Variants in POP4 observed in about 807,000 individuals in gnomAD.
The protein encoded by POP4 is POP4 ribonuclease P/MRP subunit, also known as ribonuclease P protein subunit p29.
POP4 carries 31 observed loss-of-function variants against 29.9 expected under a neutral mutation model. The observed-to-expected ratio is 1.04, with a 90% CI of 0.78 to 1.40. The LOEUF is 1.40. Ranked by LOEUF, POP4 falls within the 40% of genes most tolerant of loss-of-function variation. The pLI, the probability that POP4 is intolerant of heterozygous loss-of-function variation, is 0.00. For missense variants in POP4, 286 were observed against 282.7 expected (o/e 1.01, Z -0.08); for synonymous variants, 110 against 108.2 (o/e 1.02, Z -0.10).
chr19:29,612,330 T>TG, intron 5 of POP4, 152 bp downstream of exon 5: 1 of 759,822 alleles, frequency 1.3e-6, no homozygotes, highest in East Asian at 2.7e-5. Context: ...ACGCTAAGGG[T>TG]GGGAGATGCT....
At chr19:29,612,258 C>A in intron 5 of POP4, 80 bp downstream of exon 5, 1 of 1,292,904 alleles carries the variant, frequency 7.7e-7, no homozygotes, top group Non-Finnish European at 1.1e-6. Flanking sequence ...GGCGTGTGTT[C>A]TGTTGGACAC....
At position 29,615,243 on chromosome 19, in the gene POP4, G is replaced by A. The variant is rs1159048130; in HGVS notation, c.527-1G>A. The A allele has an allele frequency of 6.6e-6, 7 of 1,059,940 alleles. No homozygotes were observed. The highest frequency in any genetic ancestry group is 3.3e-5 in the East Asian group (1 of 30,372). The allele number at this position is 1,059,940 out of a possible 1,614,324, so 65.7% of individuals were successfully genotyped here. A position where few individuals can be genotyped will look rare whatever the true frequency, so the allele number is the denominator to read the frequency against. ...CCTGCCTTTTTTTTTTTTTTTTTCAGTTATCCCCAAGCTAAACTGCGTGTT... is the reference window on the plus strand; with the variant it reads ...CCTGCCTTTTTTTTTTTTTTTTTCAATTATCCCCAAGCTAAACTGCGTGTT... On this transcript the variant is annotated splice_acceptor_variant, in intron 6 of 6. Transcript: ENST00000585603. LOFTEE classifies it high-confidence loss of function.
At chr19:29,610,304 C>G in intron 2 of POP4, 105 bp from the exon 3 acceptor site, 1 of 1,038,734 alleles carries the variant, frequency 9.6e-7, no homozygotes, top group South Asian at 1.7e-5. Context: ...GGGATGGGCC[C>G]CATTTGCTCT....
At chr19:29,606,385 TG>T in intron 1 of POP4, 60 bp downstream of exon 1, 2 of 1,551,258 alleles carry the variant, frequency 1.3e-6, no homozygotes, top group South Asian at 1.2e-5. Flanking sequence ...GTCTTGGTAC[TG>T]GTGGGTGAAA....
intron 3 of POP4, 58 bp downstream of exon 3, chr19:29,610,690 A>G (rs1345784529): frequency 2.6e-6 from 4 of 1,552,592 alleles, no homozygotes; most frequent in Middle Eastern, 2.0e-4. Flanking sequence ...TGGTGTGTGA[A>G]CTTGGCTGAG....
intron 5 of POP4, 22 bp from the exon 6 acceptor site, chr19:29,613,849 G>T: frequency 1.2e-6 from 2 of 1,607,316 alleles, no homozygotes; most frequent in South Asian, 1.1e-5. Flanking sequence ...CCTGAGCCTG[G>T]AACTGTCCTT....
chr19:29,610,741 C>T, intron 3 of POP4, 109 bp downstream of exon 3: 1 of 1,115,854 alleles, frequency 9.0e-7, no homozygotes, highest in East Asian at 2.6e-5. Flanking sequence ...GCTAAGGGGG[C>T]CTCTCTGTCG....
At chr19:29,614,133 G>A (rs569680745) in intron 6 of POP4, among the ~76,000 whole-genome samples, 161 bp downstream of exon 6, 2 of 152,332 alleles carry the variant, frequency 1.3e-5, no homozygotes, top group African/African-American at 4.8e-5. Context: ...ACCATCCCCT[G>A]CACCCGTGGC....
At position 29,610,352 on chromosome 19, in the gene POP4, G is replaced by A. The variant is rs1971049011; in HGVS notation, c.61-57G>A. ...CGGGAATGGCGGGCGGGATGCCTGG[G>A]ATCCTGGGCTGCCCAGACCGGAGCA... On this transcript the variant is annotated intron_variant, in intron 2 of 6. Coordinates refer to ENST00000585603, the MANE Select transcript of POP4 (RefSeq NM_006627.3). The A allele has an allele frequency of 2.8e-6, 4 of 1,450,560 alleles. No individual in the cohort carries two copies. In the Admixed American group the frequency reaches 9.5e-5, roughly 34 times the overall value. 89.9% of individuals were successfully genotyped at this position (1,450,560 alleles called of 1,614,324 possible).
chr19:29,614,070 C>T (rs1971104644), intron 6 of POP4, 98 bp downstream of exon 6: 1 of 1,493,020 alleles, frequency 6.7e-7, no homozygotes, highest in African/African-American at 1.4e-5. Context: ...TTTGACCCCT[C>T]AAGTCAGCGC....
At chr19:29,608,189 T>A (rs938012098) in intron 1 of POP4, among the ~76,000 whole-genome samples, 1 of 151,934 alleles carries the variant, frequency 6.6e-6, no homozygotes, top group Non-Finnish European at 1.5e-5. Flanking sequence ...CAACCTCATC[T>A]TCTCCTATCT....
In POP4 at chr19:29,615,480, A is replaced by G. The variant is rs1971119799; in HGVS notation, c.*100A>G. On this transcript the variant is annotated 3_prime_UTR_variant, in exon 7 of 7. Coordinates refer to ENST00000585603, the MANE Select transcript of POP4 (RefSeq NM_006627.3). ...AGAGATAGTTAAGCCAATTCCATTT[A>G]TAGACCACCTCCAGCCAGTGACGCT... 2 of 1,337,286 alleles carry G rather than the reference A, an allele frequency of 1.5e-6. No individual in the cohort carries two copies. Among genetic ancestry groups the G allele is most frequent in the African/African-American group, 1.5e-5 (1 of 68,832 alleles). The allele number at this position is 1,337,286 out of a possible 1,614,324, so 82.8% of individuals were successfully genotyped here.
At chr19:29,614,605 G>A (rs892984400) in intron 6 of POP4, among the ~76,000 whole-genome samples, 1 of 151,566 alleles carries the variant, frequency 6.6e-6, no homozygotes. Context: ...CCGGATTCAA[G>A]GGATTCTTCT....
intron 6 of POP4, among the ~76,000 whole-genome samples, chr19:29,614,191 T>C (rs1971105723): frequency 6.6e-6 from 1 of 152,144 alleles, no homozygotes; most frequent in Non-Finnish European, 1.5e-5. Context: ...CGGCCAGAAA[T>C]GGCCAAGGGG....
chr19:29,615,298 A>G lies in POP4; in HGVS notation c.581A>G (p.Tyr194Cys). Reference protein sequence around the residue: ...FTVETDGFISYIYGSKFQLRS... With the variant: ...FTVETDGFISCIYGSKFQLRS... ...GTGGAAACCGATGGCTTTATTTCCT[A>G]CATTTACGGGAGCAAATTCCAGCTT... is the stretch of plus-strand genomic sequence containing the variant. Residue 194 changes from tyrosine (Y) to cysteine (C), a missense_variant, in exon 7 of 7, where the codon TAC becomes TGC. Coordinates refer to ENST00000585603, the MANE Select transcript of POP4 (RefSeq NM_006627.3). 1.9e-6 allele frequency: 3 copies of G among 1,605,260 alleles called. No individual in the cohort carries two copies. Among genetic ancestry groups the G allele is most frequent in the South Asian group, 2.2e-5 (2 of 90,886 alleles).
At chr19:29,612,086 T>C in intron 4 of POP4, 31 bp from the exon 5 acceptor site, 4 of 1,598,408 alleles carry the variant, frequency 2.5e-6, no homozygotes, top group Non-Finnish European at 3.4e-6. Flanking sequence ...TTTATCATGA[T>C]GTAAACCAAG....
In POP4 at chr19:29,606,325, A is replaced by C. The variant is rs780885172; in HGVS notation, c.7A>C (p.Ser3Arg). 3.7e-6 allele frequency: 6 copies of C among 1,606,406 alleles called. No individual in the cohort carries two copies. The highest frequency in any genetic ancestry group is 1.1e-5 in the South Asian group (1 of 90,152). ...CGCCGGAAGCGGTCCGAGAATGAAG[A>C]GTAAGCGGGGCCGCGAAGTTGGAGA... is the stretch of plus-strand genomic sequence containing the variant. MK[S>R]VIYHALSQKE... is the part of the protein sequence containing the mutation. The change falls in exon 1 of 7, where the codon AGT becomes CGT. Residue 3 changes from serine to arginine, a missense_variant and splice_region_variant. Coordinates refer to ENST00000585603, the MANE Select transcript of POP4 (RefSeq NM_006627.3).
intron 5 of POP4, among the ~76,000 whole-genome samples, chr19:29,612,868 G>A (rs562630502): frequency 4.6e-5 from 7 of 152,240 alleles, no homozygotes; most frequent in South Asian, 2.1e-4. Context: ...GCTCCTCACC[G>A]CACCAGGCAG....
intron 5 of POP4, 150 bp downstream of exon 5, chr19:29,612,328 G>C: frequency 5.3e-6 from 4 of 760,470 alleles, no homozygotes; most frequent in Non-Finnish European, 8.3e-6. Flanking sequence ...CCACGCTAAG[G>C]GTGGGAGATG....
Sources: gnomAD v4.1 joint callset for allele counts (sites outside exome capture counted in the v4.1 genomes callset) on GRCh38, gnomAD v4.1.1 for gene constraint, MANE v1.5 for transcripts, NCBI Gene and HGNC (gene_info 2026-07-23, HGNC 2026-07-21) for gene names.